The following TCAIM variants were observed in gnomAD, a reference collection of about 807,000 sequenced individuals.
The protein encoded by TCAIM is T cell activation inhibitor, mitochondrial, also known as T-cell activation inhibitor, mitochondrial.
In TCAIM, 36 loss-of-function variants were observed where a neutral mutation model predicts 58.6. The observed-to-expected ratio is 0.61, with a 90% CI of 0.47 to 0.81. TCAIM has a LOEUF of 0.81. Ranked by LOEUF, TCAIM falls within the 30% of genes least tolerant of loss-of-function variation. The pLI is 0.00. For missense variants in TCAIM, 466 were observed against 579.6 expected, an observed-to-expected ratio of 0.80 and a Z score of 2.01; for synonymous variants, 172 against 193.6, an observed-to-expected ratio of 0.89 and a Z score of 0.93.
At position 44,370,106 on chromosome 3, in the gene TCAIM, G is replaced by T. The variant is rs1701441050; in HGVS notation, c.572+2398G>T. Among the ~76,000 whole-genome samples the T allele has an allele frequency of 7.9e-5, 12 of 152,112 alleles. 1 individual carries two copies. Among genetic ancestry groups the T allele is most frequent in the Admixed American group, 7.9e-4 (12 of 15,262 alleles). On this transcript the variant is annotated intron_variant, in intron 5 of 10. Coordinates refer to ENST00000342649, the MANE Select transcript of TCAIM (RefSeq NM_173826.4). ...GAATTCTTGATTTCCTCAAAAGTCA[G>T]CTTTGTTTTAAATTCAAGCTTTTAT...
At chr3:44,352,016 CAT>C (rs921826275) in intron 1 of TCAIM, among the ~76,000 whole-genome samples, 4 of 149,870 alleles carry the variant, frequency 2.7e-5, no homozygotes, top group Admixed American at 1.3e-4. Context: ...ACTTCACTAA[CAT>C]ATATGTTATG....
intron 1 of TCAIM, among the ~76,000 whole-genome samples, chr3:44,351,022 T>A (rs1199967603): frequency 6.6e-6 from 1 of 152,222 alleles, no homozygotes; most frequent in Non-Finnish European, 1.5e-5. Flanking sequence ...GTTGTTGTTT[T>A]TGAGATGGAG....
At chr3:44,360,656 T>C (rs1193696367) in intron 3 of TCAIM, among the ~76,000 whole-genome samples, 1 of 151,256 alleles carries the variant, frequency 6.6e-6, no homozygotes, top group East Asian at 1.9e-4. Context: ...AGGCGGGGAG[T>C]GTGGTGGCAC....
chr3:44,354,294 G>A (rs577166853), intron 1 of TCAIM, among the ~76,000 whole-genome samples: 8 of 152,240 alleles, frequency 5.3e-5, no homozygotes, highest in South Asian at 2.1e-4. Flanking sequence ...CACCAACACC[G>A]CGCTGTCTTG....
chr3:44,340,991 TA>T (rs1700844464), intron 1 of TCAIM: 1 of 152,186 alleles, frequency 6.6e-6, no homozygotes, highest in East Asian at 1.9e-4. Flanking sequence ...TTCTTATTCT[TA>T]AACAGAACGA....
intron 4 of TCAIM, among the ~76,000 whole-genome samples, chr3:44,362,008 C>T (rs1387195257): frequency 6.6e-6 from 1 of 152,186 alleles, no homozygotes; most frequent in Non-Finnish European, 1.5e-5. Context: ...GCCACCTTTT[C>T]ACTACCTTTT....
intron 5 of TCAIM, among the ~76,000 whole-genome samples, chr3:44,386,342 C>T (rs938395445): frequency 6.6e-6 from 1 of 152,118 alleles, no homozygotes; most frequent in Non-Finnish European, 1.5e-5. Flanking sequence ...ATGGCAGCAG[C>T]AGCCCATCTG....
At position 44,343,432 on chromosome 3, in the gene TCAIM, A is replaced by G. The variant is rs1025779438; in HGVS notation, c.-45+4598A>G. Among the ~76,000 whole-genome samples, 3 of 152,332 alleles carry G rather than the reference A, an allele frequency of 2.0e-5. No individual in the cohort carries two copies. In the South Asian group the frequency reaches 6.2e-4, roughly 32 times the overall value. ...TAATTTAAAATTTTCTAAAAACTAG[A>G]TGTTTTACTTTTTAAAAAGTAAAAG... On this transcript the variant is annotated intron_variant, in intron 1 of 10. Transcript: ENST00000342649.
chr3:44,360,955 A>C (rs1257560413), intron 3 of TCAIM, among the ~76,000 whole-genome samples: 1 of 152,230 alleles, frequency 6.6e-6, no homozygotes, highest in Non-Finnish European at 1.5e-5. Context: ...TCAAAAAATA[A>C]TGATGAAGAT....
chr3:44,385,966 A>G (rs765701019), intron 5 of TCAIM, among the ~76,000 whole-genome samples: 1 of 152,152 alleles, frequency 6.6e-6, no homozygotes, highest in African/African-American at 2.4e-5. Context: ...AGAAATGCTT[A>G]CAAACAGTAG....
chr3:44,391,190 T>C (rs2125650924), intron 5 of TCAIM: 1 of 152,334 alleles, frequency 6.6e-6, no homozygotes, highest in Admixed American at 6.5e-5. Context: ...AAGACTTTTT[T>C]TTTTTTGTAA....
chr3:44,401,024 G>C (rs778585810), intron 9 of TCAIM, 179 bp from the exon 10 acceptor site: 67 of 869,390 alleles, frequency 7.7e-5, no homozygotes, highest in Non-Finnish European at 1.1e-4. Context: ...AGTAGGTCGT[G>C]ATCTTCTGAA....
intron 5 of TCAIM, among the ~76,000 whole-genome samples, chr3:44,389,060 G>A (rs1230392547): frequency 6.6e-6 from 1 of 152,242 alleles, no homozygotes; most frequent in Non-Finnish European, 1.5e-5. Flanking sequence ...GGGAGGCCGA[G>A]GTGGGTGGAT....
At chr3:44,365,782 G>A (rs537154324) in intron 4 of TCAIM, among the ~76,000 whole-genome samples, 1 of 152,320 alleles carries the variant, frequency 6.6e-6, no homozygotes, top group Non-Finnish European at 1.5e-5. Context: ...TTGAAATGTG[G>A]CCAATGTGGC....
At chr3:44,344,058 A>G (rs1700912861) in intron 1 of TCAIM, among the ~76,000 whole-genome samples, 1 of 132,698 alleles carries the variant, frequency 7.5e-6, no homozygotes, top group Non-Finnish European at 1.5e-5. Context: ...GTCTCACTCC[A>G]TCACCCCGGT....
intron 1 of TCAIM, among the ~76,000 whole-genome samples, chr3:44,345,789 A>G (rs748706962): frequency 5.9e-5 from 9 of 152,222 alleles, no homozygotes; most frequent in Non-Finnish European, 1.0e-4. Flanking sequence ...AAGATCATCT[A>G]TCCACTTTAA....
chr3:44,351,536 C>A (rs1289463645), intron 1 of TCAIM, among the ~76,000 whole-genome samples: 1 of 151,506 alleles, frequency 6.6e-6, no homozygotes, highest in Admixed American at 6.6e-5. Flanking sequence ...ACTCTGTTGC[C>A]CAGGCTGGAG....
In TCAIM at chr3:44,382,536, A is replaced by C. The variant is rs145011300; in HGVS notation, c.573-10319A>C. 4.1e-3 allele frequency among the ~76,000 whole-genome samples: 622 copies of C among 152,354 alleles called. 9 individuals carry two copies. The highest frequency in any genetic ancestry group is 0.014 in the African/African-American group (594 of 41,590). On this transcript the variant is annotated intron_variant, in intron 5 of 10. Transcript: ENST00000342649. ...ATCTTTTCAACAAATGGTACTGGGA[A>C]AACTGGCCACATGCAAAGGAATGAA... is the stretch of plus-strand genomic sequence containing the variant.
chr3:44,358,091 T>A, intron 3 of TCAIM: 1 of 1,405,174 alleles, frequency 7.1e-7, no homozygotes, highest in Non-Finnish European at 9.3e-7. Flanking sequence ...AAGCTGTCAT[T>A]TAAACTCTTT....
Sources: gnomAD v4.1 joint callset for allele counts (sites outside exome capture counted in the v4.1 genomes callset) on GRCh38, gnomAD v4.1.1 for gene constraint, MANE v1.5 for transcripts, NCBI Gene and HGNC (gene_info 2026-07-23, HGNC 2026-07-21) for gene names.